KDM7A: variants seen among roughly 807,000 people sequenced by gnomAD.
The protein encoded by KDM7A is lysine-specific demethylase 7A.
Under a neutral mutation model 114.8 loss-of-function variants are expected in KDM7A, and 28 were observed. That is an observed-to-expected ratio of 0.24 (90% CI 0.18 to 0.33). The LOEUF (loss-of-function observed/expected upper bound fraction) is 0.33. Among genes scored for constraint, KDM7A ranks in the 10% least tolerant of loss-of-function variants. KDM7A has a pLI of 1.00. For synonymous variants in KDM7A, 423 were observed against 397.8 expected (o/e 1.06, Z -0.75); for missense variants, 942 against 1,142.5 (o/e 0.82, Z 2.53).
chr7:140,154,402 G>A (rs1794435479), intron 1 of KDM7A, among the ~76,000 whole-genome samples: 1 of 151,200 alleles, frequency 6.6e-6, no homozygotes, highest in Non-Finnish European at 1.5e-5. Flanking sequence ...GCTAAGGTGG[G>A]AAGACTGCTT....
chr7:140,102,186 T>G (rs1818241552), intron 11 of KDM7A, 26 bp from the exon 12 acceptor site: 2 of 1,536,406 alleles, frequency 1.3e-6, no homozygotes, highest in Non-Finnish European at 1.8e-6. Context: ...TCAGAGTATT[T>G]TTATAAGAAG....
At chr7:140,167,667 G>C (rs1794593354) in intron 1 of KDM7A, among the ~76,000 whole-genome samples, 1 of 151,668 alleles carries the variant, frequency 6.6e-6, no homozygotes, top group Non-Finnish European at 1.5e-5. Context: ...AACCACACAA[G>C]TATTAGAAAA....
chr7:140,127,292 C>T (rs975796784), intron 5 of KDM7A, 150 bp downstream of exon 5: 1 of 674,792 alleles, frequency 1.5e-6, no homozygotes, highest in African/African-American at 1.8e-5. Flanking sequence ...TTCTAAGTAT[C>T]TCTGAGTGTC....
At chr7:140,100,736 A>ATATG (rs1562946154) in intron 12 of KDM7A, among the ~76,000 whole-genome samples, 1 of 58,782 alleles carries the variant, frequency 1.7e-5, no homozygotes, top group East Asian at 4.3e-4. Context: ...ATATATATAT[A>ATATG]TATATACATA....
chr7:140,144,069 G>C (rs1407701829), intron 1 of KDM7A, among the ~76,000 whole-genome samples: 7 of 152,052 alleles, frequency 4.6e-5, no homozygotes, highest in Non-Finnish European at 2.9e-5. Flanking sequence ...CCAAAGAAAA[G>C]GTTAAGAATC....
chr7:140,176,563 G>A lies in KDM7A; in HGVS notation c.194+181C>T, dbSNP rs940059347. On this transcript the variant is annotated intron_variant, in intron 1 of 19. Coordinates refer to ENST00000397560, the MANE Select transcript of KDM7A (RefSeq NM_030647.2). This position sits in a 1 kb window ranked among gnomAD's most constrained non-coding sequence, Gnocchi z 4.4. ...GCCCACCGGCTCCCCTCTGGAGCCC[G>A]CCCGGCGAACCCGGGGCACCGCGCG... Among the ~76,000 whole-genome samples the A allele has an allele frequency of 9.1e-4, 133 of 146,576 alleles. 1 individual carries two copies. The highest frequency in any genetic ancestry group is 1.3e-3 in the Non-Finnish European group (85 of 65,820).
chr7:140,092,181 T>C, intron 18 of KDM7A, 104 bp from the exon 19 acceptor site: 1 of 1,069,232 alleles, frequency 9.4e-7, no homozygotes, highest in Non-Finnish European at 1.4e-6. Context: ...AACAAACTAC[T>C]GAATTCTGAT....
At chr7:140,140,137 G>T (rs1794248721) in intron 1 of KDM7A, among the ~76,000 whole-genome samples, 11 of 152,122 alleles carry the variant, frequency 7.2e-5, no homozygotes, top group Admixed American at 7.2e-4. Context: ...CTCATTTAAT[G>T]ACAGCATAAC....
chr7:140,169,140 G>A (rs960580865), intron 1 of KDM7A, among the ~76,000 whole-genome samples: 1 of 152,042 alleles, frequency 6.6e-6, no homozygotes, highest in African/African-American at 2.4e-5. Context: ...ATATAGACAC[G>A]AAAATCATAC....
At chr7:140,105,324 T>A (rs889899282) in intron 11 of KDM7A, among the ~76,000 whole-genome samples, 1 of 152,200 alleles carries the variant, frequency 6.6e-6, no homozygotes, top group Non-Finnish European at 1.5e-5. Flanking sequence ...TCCAACACTA[T>A]GTTGAATAGG....
At chr7:140,133,111 T>C (rs1485582332) in intron 3 of KDM7A, among the ~76,000 whole-genome samples, 1 of 152,162 alleles carries the variant, frequency 6.6e-6, no homozygotes. Flanking sequence ...CTGGTGGATG[T>C]AGGGCAGAGA....
At chr7:140,164,636 G>C (rs1794554769) in intron 1 of KDM7A, among the ~76,000 whole-genome samples, 1 of 152,020 alleles carries the variant, frequency 6.6e-6, no homozygotes, top group Non-Finnish European at 1.5e-5. Context: ...CTAGAAATTT[G>C]GACAGTAGAT....
At position 140,176,674 on chromosome 7, in the gene KDM7A, CGGCCGGCGGCGGCGGCGGTTGGTCGGT is replaced by C. The variant is rs948368118; in HGVS notation, c.194+43_194+69del. On this transcript the variant is annotated intron_variant, in intron 1 of 19. Coordinates refer to ENST00000397560, the MANE Select transcript of KDM7A (RefSeq NM_030647.2). The surrounding 1 kb of genome is among the most constrained non-coding windows in gnomAD (Gnocchi z 4.4). ...CGGCCCGGCCCGAGGGAGGCGCGGG[CGGCCGGCGGCGGCGGCGGTTGGTCGGT>C]GGCCGGCGGTGGCGGCTGCGGGGCT... The C allele has an allele frequency of 3.6e-5, 37 of 1,020,328 alleles. No homozygotes were observed. The highest frequency in any genetic ancestry group is 5.8e-5 in the Admixed American group (1 of 17,098). 63.2% of individuals were successfully genotyped at this position (1,020,328 alleles called of 1,614,324 possible).
At chr7:140,171,410 AGT>A (rs1280864333) in intron 1 of KDM7A, among the ~76,000 whole-genome samples, 2 of 150,898 alleles carry the variant, frequency 1.3e-5, no homozygotes, top group Non-Finnish European at 2.9e-5. Context: ...CAGAGGTTGC[AGT>A]GAGCCGAGAT....
At chr7:140,104,267 T>C (rs902897287) in intron 11 of KDM7A, among the ~76,000 whole-genome samples, 10 of 152,218 alleles carry the variant, frequency 6.6e-5, no homozygotes, top group Non-Finnish European at 1.2e-4. Context: ...AGGTTGCCTG[T>C]TCACTTTGAT....
chr7:140,166,578 T>C (rs558315875), intron 1 of KDM7A, among the ~76,000 whole-genome samples: 2 of 152,210 alleles, frequency 1.3e-5, no homozygotes, highest in African/African-American at 4.8e-5. Flanking sequence ...ACTCACGCCA[T>C]CCACCCACCT....
intron 12 of KDM7A, among the ~76,000 whole-genome samples, chr7:140,100,703 TATATACAC>T (rs1818197853): frequency 2.6e-5 from 1 of 38,028 alleles, no homozygotes; most frequent in Non-Finnish European, 5.8e-5. Flanking sequence ...TATATATATA[TATATACAC>T]ATATATATAT....
rs1443993037 is a variant in KDM7A at position 140,090,782 on chromosome 7, C to T, written c.*312G>A. The T allele has an allele frequency of 6.5e-6, 2 of 306,774 alleles. No homozygotes were observed. Among genetic ancestry groups the T allele is most frequent in the Middle Eastern group, 8.7e-4 (1 of 1,148 alleles). The allele number at this position is 306,774 out of a possible 1,614,324, so 19.0% of individuals were successfully genotyped here. On this transcript the variant is annotated 3_prime_UTR_variant, in exon 20 of 20. Coordinates refer to ENST00000397560, the MANE Select transcript of KDM7A (RefSeq NM_030647.2). ...AAATAAATTATTGATAATTCTTTAC[C>T]CTACCACTGAAAATACATCAAGACA...
intron 1 of KDM7A, among the ~76,000 whole-genome samples, chr7:140,175,491 G>C (rs1037315539): frequency 3.9e-5 from 6 of 152,138 alleles, no homozygotes; most frequent in African/African-American, 1.4e-4. Context: ...ACACCAAACG[G>C]GGCCCGGGAA....
Sources: gnomAD v4.1 joint callset for allele counts (sites outside exome capture counted in the v4.1 genomes callset) on GRCh38, gnomAD v4.1.1 for gene constraint, Gnocchi (gnomAD v3.1) non-coding constraint, MANE v1.5 for transcripts, NCBI Gene and HGNC (gene_info 2026-07-23, HGNC 2026-07-21) for gene names.